IFNGR1: variants seen among roughly 807,000 people sequenced by gnomAD.
IFNGR1 encodes AVP, type 2.
A neutral mutation model predicts 35.4 loss-of-function variants in IFNGR1; 23 were observed. That is an observed-to-expected ratio of 0.65 (90% CI 0.47 to 0.92). The LOEUF (loss-of-function observed/expected upper bound fraction) is 0.92, where lower values mean the gene tolerates loss of function less well. Ranked by LOEUF, IFNGR1 falls within the 40% of genes least tolerant of loss-of-function variation. The pLI is 0.00. For synonymous variants in IFNGR1, 199 were observed against 209.5 expected, an observed-to-expected ratio of 0.95 and a Z score of 0.43; for missense variants, 533 against 583.4, an observed-to-expected ratio of 0.91 and a Z score of 0.89.
chr6:137,209,970 C>G (rs888556677), intron 1 of IFNGR1: 1 of 398,310 alleles, frequency 2.5e-6, no homozygotes, highest in African/African-American at 2.1e-5. Context: ...TTTCAGAAAA[C>G]ATCTGTTGAT....
At chr6:137,217,502 C>G (rs1304912720) in intron 1 of IFNGR1, among the ~76,000 whole-genome samples, 1 of 152,164 alleles carries the variant, frequency 6.6e-6, no homozygotes, top group Non-Finnish European at 1.5e-5. Flanking sequence ...CAAATCAGAG[C>G]CTTTCCCTGG....
At chr6:137,203,721 T>A in intron 4 of IFNGR1, 36 bp from the exon 5 acceptor site, 5 of 1,562,550 alleles carry the variant, frequency 3.2e-6, no homozygotes, top group Non-Finnish European at 4.4e-6. Flanking sequence ...AATGCACAGC[T>A]TCTTTTAATC....
At chr6:137,213,887 C>G (rs1212905933) in intron 1 of IFNGR1, among the ~76,000 whole-genome samples, 1 of 152,196 alleles carries the variant, frequency 6.6e-6, no homozygotes, top group Non-Finnish European at 1.5e-5. Context: ...CCGAGGAGTT[C>G]ATCACCCATC....
chr6:137,219,104 C>A lies in IFNGR1; in HGVS notation c.85+139G>T, dbSNP rs1326640073. 2.7e-6 allele frequency: 3 copies of A among 1,122,730 alleles called. No individual in the cohort carries two copies. The African/African-American group carries it at 4.7e-5, about 17-fold the overall frequency. 69.5% of individuals were successfully genotyped at this position (1,122,730 alleles called of 1,614,324 possible). On this transcript the variant is annotated intron_variant, in intron 1 of 6. Coordinates refer to ENST00000367739, the MANE Select transcript of IFNGR1 (RefSeq NM_000416.3). ...GTCTCGCGACCCCACCTCGCGTCCC[C>A]GTCGCCCGCTCAGGGCCCGACGCAG... is the stretch of plus-strand genomic sequence containing the variant.
chr6:137,199,901 A>C (rs537777372), intron 6 of IFNGR1, among the ~76,000 whole-genome samples: 135 of 152,028 alleles, frequency 8.9e-4, no homozygotes, highest in African/African-American at 3.2e-3. Context: ...ATTTCCTTAT[A>C]ATACATTTTT....
Position 137,199,327 on chromosome 6 carries a change from T to A in IFNGR1, c.862-688A>T, listed in dbSNP as rs1009647523. ...TAATATATATTATATAATATATAAT[T>A]TATAATATATAATATATAATTTATA... On this transcript the variant is annotated intron_variant, in intron 6 of 6. Transcript: ENST00000367739. Among the ~76,000 whole-genome samples, 70 of 130,952 alleles carry A rather than the reference T, an allele frequency of 5.3e-4. 1 individual carries two copies. The South Asian group carries it at 5.7e-3, about 11-fold the overall frequency. The allele number at this position is 130,952 out of a possible 152,430, so 85.9% of individuals were successfully genotyped here. A position where few individuals can be genotyped will look rare whatever the true frequency, so the allele number is the denominator to read the frequency against.
At chr6:137,203,978 A>C (rs1393122009) in intron 4 of IFNGR1, among the ~76,000 whole-genome samples, 1 of 152,138 alleles carries the variant, frequency 6.6e-6, no homozygotes, top group Admixed American at 6.5e-5. Context: ...ATTTGTCCAG[A>C]AATTTAGCTG....
chr6:137,206,370 T>C, intron 2 of IFNGR1, 62 bp from the exon 3 acceptor site: 1 of 1,295,996 alleles, frequency 7.7e-7, no homozygotes, highest in Non-Finnish European at 1.1e-6. Flanking sequence ...TCAAACCATT[T>C]CTGTCTGTGC....
chr6:137,207,141 T>C (rs1335189299), intron 1 of IFNGR1, 64 bp from the exon 2 acceptor site: 1 of 1,591,782 alleles, frequency 6.3e-7, no homozygotes, highest in African/African-American at 1.3e-5. Context: ...TTGGAAAGCC[T>C]TATTGTAAGA....
intron 5 of IFNGR1, among the ~76,000 whole-genome samples, chr6:137,201,631 C>T (rs1004386272): frequency 6.6e-6 from 1 of 151,972 alleles, no homozygotes; most frequent in African/African-American, 2.4e-5. Context: ...TGAGATTGTG[C>T]CACTGGACTC....
chr6:137,218,553 ACATAATG>A, intron 1 of IFNGR1: 1 of 1,284,368 alleles, frequency 7.8e-7, no homozygotes. Flanking sequence ...TCAGCTGGCG[ACATAATG>A]CATACTTTCC....
At chr6:137,216,257 T>C (rs531601880) in intron 1 of IFNGR1, among the ~76,000 whole-genome samples, 3 of 152,334 alleles carry the variant, frequency 2.0e-5, no homozygotes, top group East Asian at 3.9e-4. Context: ...ACAAGGTCAG[T>C]GAAGAGCCTT....
chr6:137,210,088 C>T, intron 1 of IFNGR1: 1 of 372,900 alleles, frequency 2.7e-6, no homozygotes, highest in Non-Finnish European at 4.8e-6. Context: ...CGGTGGCCCA[C>T]ACCTGTAATC....
chr6:137,216,518 C>G (rs1200529465), intron 1 of IFNGR1, among the ~76,000 whole-genome samples: 1 of 152,210 alleles, frequency 6.6e-6, no homozygotes, highest in Non-Finnish European at 1.5e-5. Context: ...TTCCTGGAGA[C>G]TGACTATATC....
intron 1 of IFNGR1, among the ~76,000 whole-genome samples, chr6:137,214,219 G>A (rs188590468): frequency 1.3e-5 from 2 of 152,304 alleles, no homozygotes; most frequent in African/African-American, 4.8e-5. Flanking sequence ...GGTTTCATCT[G>A]CACAGCAAAC....
At chr6:137,217,370 G>GT (rs998388899) in intron 1 of IFNGR1, among the ~76,000 whole-genome samples, 1 of 152,210 alleles carries the variant, frequency 6.6e-6, no homozygotes, top group African/African-American at 2.4e-5. Context: ...CATAGTGGGT[G>GT]TATTATTTTG....
At chr6:137,211,709 C>G (rs17175301) in intron 1 of IFNGR1, among the ~76,000 whole-genome samples, 1,825 of 152,226 alleles carry the variant, frequency 0.012, 39 homozygotes, top group African/African-American at 0.042. Flanking sequence ...ACTGAGGCTT[C>G]CTTAAGAGGG....
At chr6:137,199,749 C>T (rs56251346) in intron 6 of IFNGR1, among the ~76,000 whole-genome samples, 29,670 of 148,240 alleles carry the variant, frequency 0.2, 3,418 homozygotes, top group East Asian at 0.41. Context: ...ATTCTCATTA[C>T]TTGCCTTCAT....
chr6:137,215,257 G>T, intron 1 of IFNGR1: 2 of 1,546,194 alleles, frequency 1.3e-6, no homozygotes, highest in Non-Finnish European at 1.7e-6. Context: ...TAAAATAAGG[G>T]GTAAATTACC....
Sources: gnomAD v4.1 joint callset for allele counts (sites outside exome capture counted in the v4.1 genomes callset) on GRCh38, gnomAD v4.1.1 for gene constraint, MANE v1.5 for transcripts, NCBI Gene and HGNC (gene_info 2026-07-23, HGNC 2026-07-21) for gene names.